ATRN: variants seen among roughly 807,000 people sequenced by gnomAD.
ATRN encodes attractin-2.
In ATRN, 54 loss-of-function variants were observed where a neutral mutation model predicts 178.7. That is an observed-to-expected ratio of 0.30 (90% CI 0.24 to 0.38). The LOEUF (loss-of-function observed/expected upper bound fraction) is 0.38, where lower values mean the gene tolerates loss of function less well. ATRN is among the 10% of genes least tolerant of loss of function. ATRN has a pLI of 1.00. For missense variants in ATRN, 1,443 were observed against 1,815.1 expected (o/e 0.79, Z 3.73); for synonymous variants, 636 against 663.0 (o/e 0.96, Z 0.63).
chr20:3,496,064 C>G (rs1346432651), intron 1 of ATRN, among the ~76,000 whole-genome samples: 1 of 152,156 alleles, frequency 6.6e-6, no homozygotes. Context: ...GAGAAAAAGG[C>G]AATCTCTAAA....
chr20:3,552,426 C>T (rs909058155), intron 6 of ATRN, among the ~76,000 whole-genome samples: 3 of 52,920 alleles, frequency 5.7e-5, no homozygotes, highest in African/African-American at 1.1e-4. Flanking sequence ...GCTCTTCCCC[C>T]AGATGTCCCC....
chr20:3,583,732 G>A (rs1196052891), intron 16 of ATRN, among the ~76,000 whole-genome samples, 166 bp from the exon 17 acceptor site: 2 of 151,972 alleles, frequency 1.3e-5, no homozygotes, highest in African/African-American at 4.8e-5. Context: ...CACTTGAACC[G>A]GGGAGGCGGA....
rs753522612 is a variant in ATRN at position 3,555,233 on chromosome 20, GA to G, written c.1113-4159del. ...TTAGCCAGGATGGTCTCGATCTCCTGACCTCGTGATCCACCCGCCTCGGCCT... is the reference window on the plus strand; with the variant it reads ...TTAGCCAGGATGGTCTCGATCTCCTGCCTCGTGATCCACCCGCCTCGGCCT... On this transcript the variant is annotated intron_variant, in intron 6 of 28. Transcript: ENST00000262919. 8.4e-3 allele frequency among the ~76,000 whole-genome samples: 1,280 copies of G among 151,928 alleles called. 9 individuals carry two copies. Among genetic ancestry groups the G allele is most frequent in the African/African-American group, 0.017 (718 of 41,394 alleles).
At chr20:3,508,078 A>G (rs558873117) in intron 1 of ATRN, among the ~76,000 whole-genome samples, 231 of 151,956 alleles carry the variant, frequency 1.5e-3, no homozygotes, top group African/African-American at 5.2e-3. Flanking sequence ...GCTGGGCGTG[A>G]TGGCTCATAC....
intron 11 of ATRN, 71 bp downstream of exon 11, chr20:3,565,503 C>A: frequency 1.5e-6 from 2 of 1,350,128 alleles, no homozygotes; most frequent in Non-Finnish European, 2.1e-6. Flanking sequence ...CACGGTGGCT[C>A]ACGCCTGTAA....
intron 1 of ATRN, among the ~76,000 whole-genome samples, chr20:3,523,096 G>A (rs2085317876): frequency 2.0e-5 from 3 of 151,880 alleles, no homozygotes; most frequent in South Asian, 4.1e-4. Context: ...GCTTCAGAAG[G>A]TGGGTAATAA....
intron 22 of ATRN, among the ~76,000 whole-genome samples, chr20:3,600,407 TA>T (rs1333012306): frequency 1.2e-4 from 18 of 152,192 alleles, no homozygotes; most frequent in Non-Finnish European, 1.5e-5. Context: ...ATAATAAAAT[TA>T]TTTTTTAAAT....
In ATRN at chr20:3,578,683, C is replaced by T. The variant is rs1482094519; in HGVS notation, c.2455C>T (p.His819Tyr). 1.5e-5 allele frequency: 24 copies of T among 1,614,006 alleles called. No individual in the cohort carries two copies. Among genetic ancestry groups the T allele is most frequent in the Non-Finnish European group, 1.8e-5 (21 of 1,179,946 alleles). ...YDNAKLFCRN[H>Y]NALLASLTTQ... ...CAATGCTAAATTGTTCTGTAGGAAC[C>T]ACAATGCCCTTTTGGCTTCTCTTAC... Residue 819 changes from histidine (H) to tyrosine (Y), a missense_variant, in exon 15 of 29, where the codon CAC (histidine) becomes TAC (tyrosine). His to Tyr is a moderately conservative substitution (Grantham distance 83, BLOSUM62 2). This residue lies in a region of ATRN where 212 missense variants were observed against 330.7 expected (regional missense o/e 0.64). Transcript: ENST00000262919.
chr20:3,582,050 G>A (rs2086288646), intron 15 of ATRN, 85 bp from the exon 16 acceptor site: 7 of 1,260,802 alleles, frequency 5.6e-6, no homozygotes, highest in Non-Finnish European at 7.9e-6. Flanking sequence ...AACTAGCCAG[G>A]GCAACATGGC....
intron 1 of ATRN, among the ~76,000 whole-genome samples, chr20:3,503,935 C>T (rs1286340297): frequency 6.6e-6 from 1 of 151,986 alleles, no homozygotes; most frequent in Non-Finnish European, 1.5e-5. Flanking sequence ...AACCTAAAGG[C>T]GAAGAGAAAG....
chr20:3,578,831 G>T, intron 15 of ATRN, 59 bp downstream of exon 15: 1 of 1,498,912 alleles, frequency 6.7e-7, no homozygotes, highest in South Asian at 1.2e-5. Flanking sequence ...CCAAGGGCAT[G>T]ACTGCAGCTT....
At chr20:3,628,651 A>G (rs904545296) in intron 25 of ATRN, among the ~76,000 whole-genome samples, 5 of 152,038 alleles carry the variant, frequency 3.3e-5, no homozygotes, top group Non-Finnish European at 7.4e-5. Context: ...AGTACTATCC[A>G]TGGTTTCACG....
At chr20:3,503,541 T>C (rs1456746398) in intron 1 of ATRN, among the ~76,000 whole-genome samples, 1 of 150,820 alleles carries the variant, frequency 6.6e-6, no homozygotes, top group East Asian at 2.0e-4. Flanking sequence ...ACTAAATAAA[T>C]GAAATAAAAA....
intron 1 of ATRN, among the ~76,000 whole-genome samples, chr20:3,484,530 A>G (rs1474931499): frequency 6.6e-6 from 1 of 152,204 alleles, no homozygotes; most frequent in Non-Finnish European, 1.5e-5. Context: ...TTCCATTTAT[A>G]GAACAGTTTT....
At chr20:3,512,108 T>TGTA (rs1491340714) in intron 1 of ATRN, among the ~76,000 whole-genome samples, 1 of 100,760 alleles carries the variant, frequency 9.9e-6, no homozygotes, top group African/African-American at 4.6e-5. Flanking sequence ...TATATATATA[T>TGTA]TTTTTTTTTT....
intron 18 of ATRN, among the ~76,000 whole-genome samples, chr20:3,588,515 G>T (rs2086389984): frequency 6.6e-6 from 1 of 152,062 alleles, no homozygotes; most frequent in African/African-American, 2.4e-5. Context: ...GCATTCCTGG[G>T]ATAAAGCCCA....
At chr20:3,592,340 C>T in intron 19 of ATRN, 1 of 501,622 alleles carries the variant, frequency 2.0e-6, no homozygotes, top group Non-Finnish European at 2.5e-6. Context: ...GCGGAGGTTG[C>T]AGTGAGCTAA....
chr20:3,556,707 G>A (rs550088361), intron 6 of ATRN, among the ~76,000 whole-genome samples: 185 of 152,100 alleles, frequency 1.2e-3, no homozygotes, highest in African/African-American at 4.1e-3. Context: ...CATTTATCTT[G>A]TACTTTTTTG....
Position 3,597,502 on chromosome 20 carries a change from T to C in ATRN, c.3470-404T>C, listed in dbSNP as rs149322779. 9.6e-3 allele frequency among the ~76,000 whole-genome samples: 1,457 copies of C among 152,336 alleles called. 18 individuals carry two copies. The highest frequency in any genetic ancestry group is 0.015 in the Non-Finnish European group (1,026 of 68,024). Reference sequence around the variant, plus strand: ...TGATTAGAATCCAACGCTAATGCCATGGCTTTTTAGAAGACAGTGGTAATC... The same window carrying C: ...TGATTAGAATCCAACGCTAATGCCACGGCTTTTTAGAAGACAGTGGTAATC... On this transcript the variant is annotated intron_variant, in intron 21 of 28. Transcript: ENST00000262919.
Sources: allele counts gnomAD v4.1 joint callset (sites outside exome capture counted in the v4.1 genomes callset), GRCh38; gene constraint gnomAD v4.1.1; regional missense constraint gnomAD v4.1.1; transcripts MANE v1.5; gene names NCBI Gene and HGNC (gene_info 2026-07-23, HGNC 2026-07-21).